CHRM3: variants seen among roughly 807,000 people sequenced by gnomAD.
CHRM3 encodes muscarinic acetylcholine receptor M3.
CHRM3 carries 11 observed loss-of-function variants against 41.8 expected under a neutral mutation model. The observed-to-expected ratio is 0.26, with a 90% confidence interval of 0.17 to 0.44. CHRM3 has a LOEUF of 0.44. Among genes scored for constraint, CHRM3 ranks in the 20% least tolerant of loss-of-function variants. CHRM3 has a pLI of 1.00. For synonymous variants in CHRM3, 297 were observed against 301.4 expected (o/e 0.99, Z 0.15); for missense variants, 571 against 745.4 (o/e 0.77, Z 2.72).
intron 5 of CHRM3, among the ~76,000 whole-genome samples, chr1:239,770,744 G>T (rs1286651540): frequency 6.6e-6 from 1 of 152,074 alleles, no homozygotes; most frequent in Non-Finnish European, 1.5e-5. Context: ...ACAAGCCTTT[G>T]TTCATAATCA....
At chr1:239,840,581 A>G (rs958608632) in intron 6 of CHRM3, among the ~76,000 whole-genome samples, 4 of 152,204 alleles carry the variant, frequency 2.6e-5, no homozygotes, top group Non-Finnish European at 5.9e-5. Flanking sequence ...TGTAGTACAC[A>G]CCATTGATGG....
intron 3 of CHRM3, among the ~76,000 whole-genome samples, chr1:239,598,407 T>G (rs1665069711): frequency 6.6e-6 from 1 of 152,190 alleles, no homozygotes; most frequent in African/African-American, 2.4e-5. Flanking sequence ...AAAAGGCTGC[T>G]GGACTTGGGC....
chr1:239,828,136 A>T (rs1026540091), intron 6 of CHRM3, among the ~76,000 whole-genome samples: 3 of 152,222 alleles, frequency 2.0e-5, no homozygotes, highest in African/African-American at 7.2e-5. Context: ...AAATACACGC[A>T]CACAAATACA....
At chr1:239,576,917 G>A (rs999512031) in intron 3 of CHRM3, among the ~76,000 whole-genome samples, 34 of 152,096 alleles carry the variant, frequency 2.2e-4, no homozygotes, top group African/African-American at 7.7e-4. Flanking sequence ...GACCCTTCCC[G>A]GTAAAGGTTA....
intron 4 of CHRM3, among the ~76,000 whole-genome samples, chr1:239,642,318 G>A (rs1381412923): frequency 6.6e-6 from 1 of 151,788 alleles, no homozygotes; most frequent in African/African-American, 2.4e-5. Context: ...GGCCTGCCTT[G>A]CTAGATTGGG....
chr1:239,403,515 C>A (rs1036219971), intron 1 of CHRM3, among the ~76,000 whole-genome samples: 4 of 152,184 alleles, frequency 2.6e-5, no homozygotes, highest in African/African-American at 9.7e-5. Context: ...TTCAGAACTT[C>A]CCTTGCCTGG....
chr1:239,400,314 C>T (rs961344890), intron 1 of CHRM3, among the ~76,000 whole-genome samples: 1 of 152,026 alleles, frequency 6.6e-6, no homozygotes, highest in African/African-American at 2.4e-5. Flanking sequence ...TTCTTTTTTG[C>T]TATTGAGTTT....
intron 5 of CHRM3, among the ~76,000 whole-genome samples, chr1:239,801,317 T>A (rs1670196242): frequency 6.6e-6 from 1 of 152,186 alleles, no homozygotes; most frequent in Non-Finnish European, 1.5e-5. Context: ...ATTTAGGGCT[T>A]CCTGAAGTAG....
chr1:239,703,878 C>G (rs968560721), intron 5 of CHRM3: 13 of 112,028 alleles, frequency 1.2e-4, no homozygotes, highest in Admixed American at 9.7e-5. Context: ...ATTAAACGCA[C>G]TGAATGAAAA....
chr1:239,900,399 A>G (rs10926009), intron 6 of CHRM3, among the ~76,000 whole-genome samples: 32,059 of 146,076 alleles, frequency 0.22, 7,248 homozygotes, highest in African/African-American at 0.59. Flanking sequence ...TTTTTTTGAA[A>G]TCCTTATGAC....
At chr1:239,881,148 TG>T (rs757409823) in intron 6 of CHRM3, among the ~76,000 whole-genome samples, 9 of 150,538 alleles carry the variant, frequency 6.0e-5, no homozygotes, top group Non-Finnish European at 1.3e-4. Context: ...CCGGGCGTGG[TG>T]GTGGGCGCCT....
chr1:239,620,799 T>C (rs1231310791), intron 3 of CHRM3, among the ~76,000 whole-genome samples: 1 of 152,052 alleles, frequency 6.6e-6, no homozygotes, highest in Non-Finnish European at 1.5e-5. Context: ...GGATTCACTC[T>C]CTCTTACAAA....
At chr1:239,905,999 G>A (rs1421650711) in intron 6 of CHRM3, among the ~76,000 whole-genome samples, 1 of 152,154 alleles carries the variant, frequency 6.6e-6, no homozygotes, top group Non-Finnish European at 1.5e-5. Flanking sequence ...GGAAAGAATT[G>A]ATCAACAATT....
chr1:239,458,708 C>T (rs2147865215), intron 1 of CHRM3, among the ~76,000 whole-genome samples: 1 of 152,186 alleles, frequency 6.6e-6, no homozygotes, highest in South Asian at 2.1e-4. Flanking sequence ...CTTCATAAAT[C>T]TTTGATTTGA....
At chr1:239,684,003 C>T (rs1214964791) in intron 5 of CHRM3, among the ~76,000 whole-genome samples, 1 of 152,148 alleles carries the variant, frequency 6.6e-6, no homozygotes, top group Non-Finnish European at 1.5e-5. Flanking sequence ...AGTTAAATTA[C>T]ATTCTCCAGT....
In CHRM3 at chr1:239,715,403, G is replaced by A. The variant is rs549647046; in HGVS notation, c.-147+37115G>A. On this transcript the variant is annotated intron_variant, in intron 5 of 6. Transcript: ENST00000676153. ...TGTTCTGATAAACCAGGCCTCCAGAGGAGAAATAAAAGCTCTAATTTGTAG... is the reference window on the plus strand; with the variant it reads ...TGTTCTGATAAACCAGGCCTCCAGAAGAGAAATAAAAGCTCTAATTTGTAG... Among the ~76,000 whole-genome samples, 7 of 152,208 alleles carry A rather than the reference G, an allele frequency of 4.6e-5. No homozygotes were observed. In the East Asian group the frequency reaches 1.4e-3, roughly 29 times the overall value.
chr1:239,774,506 A>G (rs543352660), intron 5 of CHRM3, among the ~76,000 whole-genome samples: 1 of 152,302 alleles, frequency 6.6e-6, no homozygotes, highest in Non-Finnish European at 1.5e-5. Context: ...ATCAGTGCAG[A>G]ATGAAATTTC....
intron 5 of CHRM3, among the ~76,000 whole-genome samples, chr1:239,759,287 T>G (rs549106733): frequency 6.7e-6 from 1 of 150,318 alleles, no homozygotes; most frequent in East Asian, 1.9e-4. Flanking sequence ...TTGGCTGAAT[T>G]TTATCTCAAT....
chr1:239,415,096 C>G (rs1661391229), intron 1 of CHRM3, among the ~76,000 whole-genome samples: 1 of 152,160 alleles, frequency 6.6e-6, no homozygotes, highest in Non-Finnish European at 1.5e-5. Flanking sequence ...AAGTAACAAA[C>G]AAATCACATA....
Sources: gnomAD v4.1 joint callset for allele counts (sites outside exome capture counted in the v4.1 genomes callset) on GRCh38, gnomAD v4.1.1 for gene constraint, MANE v1.5 for transcripts, NCBI Gene and HGNC (gene_info 2026-07-23, HGNC 2026-07-21) for gene names.